Variants in NEXMIF observed in about 807,000 individuals in gnomAD.
NEXMIF encodes the protein XLMR protein related to neurite extension.
Under a neutral mutation model 62.1 loss-of-function variants are expected in NEXMIF, and 8 were observed. The observed-to-expected ratio is 0.13, with a 90% CI of 0.08 to 0.23. The LOEUF (loss-of-function observed/expected upper bound fraction) is 0.23, where lower values mean the gene tolerates loss of function less well. Ranked by LOEUF, NEXMIF falls within the 10% of genes least tolerant of loss-of-function variation. NEXMIF has a pLI of 1.00. For synonymous variants in NEXMIF, 404 were observed against 416.6 expected (o/e 0.97, Z 0.37); for missense variants, 976 against 1,113.3 (o/e 0.88, Z 1.75).
chrX:74,870,522 T>C (rs2080596750), intron 1 of NEXMIF, among the ~76,000 whole-genome samples: 1 of 110,863 alleles, frequency 9.0e-6, no homozygotes, highest in African/African-American at 3.3e-5. Flanking sequence ...ATCAACAAAG[T>C]GAAAGGGTAA....
At chrX:74,856,710 A>G (rs1238041074) in intron 1 of NEXMIF, among the ~76,000 whole-genome samples, 8 of 111,619 alleles carry the variant, frequency 7.2e-5, no homozygotes, top group Admixed American at 5.7e-4. Context: ...AAATCAGGTG[A>G]GCCCCCACAG....
intron 1 of NEXMIF, among the ~76,000 whole-genome samples, chrX:74,857,375 C>A (rs1224419804): frequency 3.6e-5 from 4 of 112,194 alleles, no homozygotes; most frequent in Admixed American, 9.4e-5. Flanking sequence ...CAGTTCCAGG[C>A]CCTAGCTCCT....
rs72364877 is a variant in NEXMIF, at chrX:74,889,952, G to GTC, written c.-48+34929_-48+34930dup. On this transcript the variant is annotated intron_variant, in intron 1 of 3. Coordinates refer to ENST00000055682, the MANE Select transcript of NEXMIF (RefSeq NM_001008537.3). ...TCCTAACCTAATCCTAACCTAATCT[G>GTC]TCTCTCTCTCTCTCTCTCTCTCTCT... is the stretch of plus-strand genomic sequence containing the variant. Among the ~76,000 whole-genome samples, 582 of 91,120 alleles carry GTC rather than the reference G, an allele frequency of 6.4e-3. 2 individuals are homozygous for GTC. Among genetic ancestry groups the GTC allele is most frequent in the Non-Finnish European group, 9.2e-3 (398 of 43,487 alleles). 79.1% of individuals were successfully genotyped at this position (91,120 alleles called of 115,157 possible). A position where few individuals can be genotyped will look rare whatever the true frequency, so the allele number is the denominator to read the frequency against.
At chrX:74,766,024 G>A (rs372213850) in intron 1 of NEXMIF, among the ~76,000 whole-genome samples, 1 of 88,019 alleles carries the variant, frequency 1.1e-5, no homozygotes, top group East Asian at 3.1e-4. Flanking sequence ...CTGGGTGACA[G>A]AGTGAGACTC....
rs890008563 is a variant in NEXMIF at position 74,868,305 on chromosome X, T to C, written c.-48+56578A>G. ...ATACCCAAAGGAATATAAATCATTC[T>C]ATTATAAACATACATGCAGGCATGT... On this transcript the variant is annotated intron_variant, in intron 1 of 3. Coordinates refer to ENST00000055682, the MANE Select transcript of NEXMIF (RefSeq NM_001008537.3). Among the ~76,000 whole-genome samples the C allele has an allele frequency of 7.1e-5, 8 of 112,085 alleles. No individual in the cohort carries two copies. The South Asian group carries it at 1.1e-3, about 16-fold the overall frequency.
intron 1 of NEXMIF, among the ~76,000 whole-genome samples, chrX:74,809,831 C>G (rs763667632): frequency 9.0e-6 from 1 of 111,668 alleles, no homozygotes; most frequent in South Asian, 3.7e-4. Flanking sequence ...GTTTAGCACA[C>G]AGTAGATACT....
Position 74,910,278 on chromosome X carries a change from T to C in NEXMIF, c.-48+14605A>G, listed in dbSNP as rs182777125. Among the ~76,000 whole-genome samples the C allele has an allele frequency of 3.7e-4, 42 of 112,599 alleles. 1 individual carries two copies. Among genetic ancestry groups the C allele is most frequent in the African/African-American group, 1.3e-3 (39 of 31,046 alleles). ...GGAGCTGCCCAAGACTATGGGAACC[T>C]ACCTCTTGCATCAGCGTGACCTGGA... is the stretch of plus-strand genomic sequence containing the variant. On this transcript the variant is annotated intron_variant, in intron 1 of 3. Transcript: ENST00000055682.
chrX:74,872,904 T>C (rs1238624620), intron 1 of NEXMIF, among the ~76,000 whole-genome samples: 1 of 110,550 alleles, frequency 9.0e-6, no homozygotes, highest in Non-Finnish European at 1.9e-5. Flanking sequence ...GCTGCCATAA[T>C]GCTGTAGTGC....
intron 1 of NEXMIF, among the ~76,000 whole-genome samples, chrX:74,902,631 CT>C (rs1259547922): frequency 9.0e-6 from 1 of 111,207 alleles, no homozygotes; most frequent in African/African-American, 3.3e-5. Flanking sequence ...GCAATCTTCA[CT>C]TACCTGAGAC....
At chrX:74,840,981 T>C (rs952832906) in intron 1 of NEXMIF, among the ~76,000 whole-genome samples, 1 of 112,263 alleles carries the variant, frequency 8.9e-6, no homozygotes, top group Non-Finnish European at 1.9e-5. Flanking sequence ...TTTGGTTCCA[T>C]ATGAATTTTA....
intron 1 of NEXMIF, among the ~76,000 whole-genome samples, chrX:74,897,282 C>T (rs2080735697): frequency 8.9e-6 from 1 of 111,916 alleles, no homozygotes; most frequent in Non-Finnish European, 1.9e-5. Flanking sequence ...GCTTTCTGGG[C>T]ATACCACTAA....
chrX:74,789,220 C>T (rs1442607707), intron 1 of NEXMIF, among the ~76,000 whole-genome samples: 8 of 102,048 alleles, frequency 7.8e-5, no homozygotes, highest in East Asian at 6.3e-4. Flanking sequence ...TGAGAATATG[C>T]GGTGTTTGGT....
intron 1 of NEXMIF, among the ~76,000 whole-genome samples, chrX:74,883,194 GA>G (rs2080673734): frequency 9.0e-6 from 1 of 111,179 alleles, no homozygotes; most frequent in South Asian, 3.8e-4. Context: ...CAAAGATAGG[GA>G]AAAAAACAGA....
intron 1 of NEXMIF, among the ~76,000 whole-genome samples, chrX:74,762,580 A>G (rs2080180279): frequency 8.9e-6 from 1 of 111,789 alleles, no homozygotes; most frequent in African/African-American, 3.3e-5. Flanking sequence ...AGTCCCACCA[A>G]CGGTGTAAAA....
In NEXMIF at chrX:74,736,125, C is replaced by G. The variant is rs890024574; in HGVS notation, c.*3280G>C. 1 of 111,089 alleles carries G rather than the reference C, an allele frequency of 9.0e-6. No homozygotes were observed. Among genetic ancestry groups the G allele is most frequent in the African/African-American group, 3.3e-5 (1 of 30,498 alleles). The allele number at this position is 111,089 out of a possible 1,213,427, so 9.2% of individuals were successfully genotyped here. ...TACACTAAAAGCCCAGATTTCAACACTAAGCAATATATCCATGTAACACAA... is the reference window on the plus strand; with the variant it reads ...TACACTAAAAGCCCAGATTTCAACAGTAAGCAATATATCCATGTAACACAA... On this transcript the variant is annotated 3_prime_UTR_variant, in exon 4 of 4. Coordinates refer to ENST00000055682, the MANE Select transcript of NEXMIF (RefSeq NM_001008537.3).
intron 1 of NEXMIF, among the ~76,000 whole-genome samples, chrX:74,870,999 C>G (rs977321617): frequency 8.9e-6 from 1 of 111,789 alleles, no homozygotes; most frequent in South Asian, 3.7e-4. Flanking sequence ...AATGGTACAT[C>G]GAAGAGATAT....
intron 1 of NEXMIF, among the ~76,000 whole-genome samples, chrX:74,857,516 TCAGGTAGTACA>T (rs772256877): frequency 2.7e-5 from 3 of 112,212 alleles, no homozygotes; most frequent in Non-Finnish European, 3.8e-5. Flanking sequence ...GTAGTGATAC[TCAGGTAGTACA>T]CTGTGGGCCT....
Position 74,903,054 on chromosome X carries a change from G to C in NEXMIF, c.-48+21829C>G, listed in dbSNP as rs745313482. On this transcript the variant is annotated intron_variant, in intron 1 of 3. Coordinates refer to ENST00000055682, the MANE Select transcript of NEXMIF (RefSeq NM_001008537.3). ...AATAGATGTGGAAAGGAGCTCCCCT[G>C]TATTGAAACTTGAATCTGGAGGTAA... 4.5e-5 allele frequency among the ~76,000 whole-genome samples: 5 copies of C among 110,964 alleles called. No individual in the cohort carries two copies. The East Asian group carries it at 1.4e-3, about 32-fold the overall frequency.
chrX:74,765,585 G>C (rs767946245), intron 1 of NEXMIF, among the ~76,000 whole-genome samples: 1 of 111,353 alleles, frequency 9.0e-6, no homozygotes, highest in Admixed American at 9.6e-5. Context: ...TCCATATTTA[G>C]TGCTCCTTTC....
Sources: gnomAD v4.1 joint callset for allele counts (sites outside exome capture counted in the v4.1 genomes callset) on GRCh38, gnomAD v4.1.1 for gene constraint, MANE v1.5 for transcripts, NCBI Gene and HGNC (gene_info 2026-07-23, HGNC 2026-07-21) for gene names.